TMOD1: variants seen among roughly 807,000 people sequenced by gnomAD.
TMOD1 encodes the protein tropomodulin-1.
In TMOD1, 17 loss-of-function variants were observed where a neutral mutation model predicts 40.6. The ratio of observed to expected loss-of-function variants is 0.42; its 90% CI spans 0.29 to 0.63. The LOEUF is 0.63. Among genes scored for constraint, TMOD1 ranks in the 20% least tolerant of loss-of-function variants. The pLI, the probability that TMOD1 is intolerant of heterozygous loss-of-function variation, is 0.22. For synonymous variants in TMOD1, 181 were observed against 175.0 expected (o/e 1.03, Z -0.27); for missense variants, 391 against 447.6 (o/e 0.87, Z 1.14).
At chr9:97,588,899 C>G (rs1397737527) in intron 8 of TMOD1, among the ~76,000 whole-genome samples, 2 of 152,014 alleles carry the variant, frequency 1.3e-5, no homozygotes, top group Non-Finnish European at 2.9e-5. Context: ...GGTGGATCAC[C>G]TGAGTTCAGG....
intron 8 of TMOD1, among the ~76,000 whole-genome samples, chr9:97,579,313 C>T (rs1293710477): frequency 3.3e-5 from 5 of 152,148 alleles, no homozygotes; most frequent in Admixed American, 6.5e-5. Context: ...ACACCTCGAC[C>T]GAGAGAAACT....
At chr9:97,543,711 A>G (rs1830309978) in intron 2 of TMOD1, among the ~76,000 whole-genome samples, 2 of 152,216 alleles carry the variant, frequency 1.3e-5, no homozygotes, top group Non-Finnish European at 2.9e-5. Context: ...GTAGTCACAC[A>G]TTGATGTTTG....
intron 3 of TMOD1, among the ~76,000 whole-genome samples, chr9:97,552,295 AG>A (rs1251739928): frequency 2.7e-5 from 4 of 150,876 alleles, no homozygotes; most frequent in African/African-American, 9.8e-5. Context: ...ATCAGGTCCC[AG>A]GTCACAAGCT....
Position 97,576,065 on chromosome 9 carries a change from C to G in TMOD1, c.870+7028C>G, listed in dbSNP as rs911415210. On this transcript the variant is annotated intron_variant, in intron 8 of 9. Transcript: ENST00000259365. Reference sequence around the variant, plus strand: ...CAGAAGTAACCTAAATATCCATCTACACCAGGGCGTCCCGTGAAGCCAATA... The same window carrying G: ...CAGAAGTAACCTAAATATCCATCTAGACCAGGGCGTCCCGTGAAGCCAATA... 4.6e-5 allele frequency among the ~76,000 whole-genome samples: 7 copies of G among 152,200 alleles called. No homozygotes were observed. The South Asian group carries it at 1.0e-3, about 22-fold the overall frequency.
At position 97,564,111 on chromosome 9, in the gene TMOD1, G is replaced by A. The variant is rs142717086; in HGVS notation, c.561G>A (p.Leu187=). ...ATTCAACAGACGTAGAGGAAACGCT[G>A]GAACGGATAAAGAACAACGACCCAA... ...EPNSTDVEET[L]ERIKNNDPKL... The change falls in exon 6 of 10, where the codon CTG becomes CTA. Residue 187 remains leucine (L), a synonymous_variant. Transcript: ENST00000259365. 3.7e-6 allele frequency: 6 copies of A among 1,613,866 alleles called. No individual in the cohort carries two copies. In the African/African-American group the frequency reaches 8.0e-5, roughly 22 times the overall value.
At chr9:97,584,213 G>A (rs1018016711) in intron 8 of TMOD1, among the ~76,000 whole-genome samples, 15 of 152,192 alleles carry the variant, frequency 9.9e-5, no homozygotes, top group South Asian at 4.1e-4. Flanking sequence ...CTTTGTTCTC[G>A]TTGTTTCAAA....
At position 97,562,793 on chromosome 9, in the gene TMOD1, C is replaced by G; in HGVS notation, c.459C>G (p.Ser153Arg). Residue 153 changes from serine (S) to arginine (R), a missense_variant, in exon 5 of 10, where the codon AGC becomes AGG. Physicochemically the swap from Ser to Arg is moderately radical, Grantham distance 110. Transcript: ENST00000259365. ...NQQYYQALSS[S>R]SIMNKEGLNS... ...AGTACTACCAGGCCCTGAGCAGCAG[C>G]TCCATCATGAACAAGGAGGGGCTCA... The G allele has an allele frequency of 6.3e-7, 1 of 1,586,320 alleles. No individual in the cohort carries two copies. The highest frequency in any genetic ancestry group is 8.5e-7 in the Non-Finnish European group (1 of 1,169,750).
At chr9:97,573,854 T>C (rs1773208877) in intron 8 of TMOD1, among the ~76,000 whole-genome samples, 2 of 152,244 alleles carry the variant, frequency 1.3e-5, no homozygotes, top group Non-Finnish European at 2.9e-5. Context: ...CAAAGTCATT[T>C]CCACCATATT....
At chr9:97,582,028 T>C (rs978960239) in intron 8 of TMOD1, among the ~76,000 whole-genome samples, 3 of 152,054 alleles carry the variant, frequency 2.0e-5, no homozygotes, top group African/African-American at 4.8e-5. Context: ...ATTTTGTCTT[T>C]TGTTGCCATT....
chr9:97,523,158 G>A (rs1432691159), intron 1 of TMOD1, among the ~76,000 whole-genome samples: 2 of 152,222 alleles, frequency 1.3e-5, no homozygotes, highest in African/African-American at 2.4e-5. Flanking sequence ...TGTGTGGAGA[G>A]GCTCAGATGA....
chr9:97,585,834 G>C (rs923798996), intron 8 of TMOD1, among the ~76,000 whole-genome samples: 18 of 136,758 alleles, frequency 1.3e-4, no homozygotes, highest in African/African-American at 4.0e-4. Context: ...CGTAGTTCTC[G>C]AGCCTTGGTT....
intron 2 of TMOD1, among the ~76,000 whole-genome samples, chr9:97,545,950 G>C (rs953930269): frequency 2.0e-5 from 3 of 152,128 alleles, no homozygotes; most frequent in Non-Finnish European, 4.4e-5. Flanking sequence ...TGAGACCTGA[G>C]TCCTAGCCTC....
chr9:97,595,987 T>C (rs1204532373), intron 9 of TMOD1, among the ~76,000 whole-genome samples: 7 of 151,620 alleles, frequency 4.6e-5, no homozygotes, highest in Admixed American at 4.6e-4. Flanking sequence ...GGCAGGAGGA[T>C]CGCTTGAACC....
intron 1 of TMOD1, among the ~76,000 whole-genome samples, chr9:97,508,251 C>T (rs183142710): frequency 6.6e-6 from 1 of 151,890 alleles, no homozygotes; most frequent in East Asian, 1.9e-4. Flanking sequence ...GGCAGTGGGG[C>T]GATCTCAGCT....
In TMOD1 at chr9:97,598,805, C is replaced by T. The variant is rs141895358; in HGVS notation, c.1016-829C>T. On this transcript the variant is annotated intron_variant, in intron 9 of 9. Coordinates refer to ENST00000259365, the MANE Select transcript of TMOD1 (RefSeq NM_003275.4). ...GAACCTGAAGACATCTAAGTATAGACGGACTTTTTTTCCCTCCACCATAGC... is the reference window on the plus strand; with the variant it reads ...GAACCTGAAGACATCTAAGTATAGATGGACTTTTTTTCCCTCCACCATAGC... Among the ~76,000 whole-genome samples, 74 of 152,286 alleles carry T rather than the reference C, an allele frequency of 4.9e-4. 2 individuals carry two copies. In the East Asian group the frequency reaches 0.012, roughly 25 times the overall value.
chr9:97,523,945 T>G (rs1389003465), intron 1 of TMOD1, among the ~76,000 whole-genome samples, 196 bp from the exon 2 acceptor site: 1 of 152,272 alleles, frequency 6.6e-6, no homozygotes, highest in Non-Finnish European at 1.5e-5. Flanking sequence ...TTCATTAACT[T>G]ACATGCTCTC....
chr9:97,539,275 C>T (rs1205061667), intron 2 of TMOD1, among the ~76,000 whole-genome samples: 1 of 152,200 alleles, frequency 6.6e-6, no homozygotes, highest in East Asian at 1.9e-4. Flanking sequence ...AAATACTCTC[C>T]TGGCCAGAGC....
At chr9:97,562,925 A>C in intron 5 of TMOD1, 104 bp downstream of exon 5, 1 of 862,260 alleles carries the variant, frequency 1.2e-6, no homozygotes, top group Non-Finnish European at 1.8e-6. Flanking sequence ...TATATAGCCA[A>C]ATCTGTTCAT....
At chr9:97,579,634 T>C (rs1825699039) in intron 8 of TMOD1, among the ~76,000 whole-genome samples, 1 of 152,180 alleles carries the variant, frequency 6.6e-6, no homozygotes, top group African/African-American at 2.4e-5. Flanking sequence ...ACTGAGGAAA[T>C]GAACTATACA....
Sources: gnomAD v4.1 joint callset for allele counts (sites outside exome capture counted in the v4.1 genomes callset) on GRCh38, gnomAD v4.1.1 for gene constraint, MANE v1.5 for transcripts, NCBI Gene and HGNC (gene_info 2026-07-23, HGNC 2026-07-21) for gene names.